Variants in AKT3 observed in about 807,000 individuals in gnomAD.
AKT3 encodes RAC-gamma serine/threonine-protein kinase.
Under a neutral mutation model 65.3 loss-of-function variants are expected in AKT3, and 15 were observed. That is an observed-to-expected ratio of 0.23 (90% CI 0.15 to 0.35). The LOEUF (loss-of-function observed/expected upper bound fraction) is 0.35, where lower values mean the gene tolerates loss of function less well. Among genes scored for constraint, AKT3 ranks in the 10% least tolerant of loss-of-function variants. The pLI, the probability that AKT3 is intolerant of heterozygous loss-of-function variation, is 1.00. For synonymous variants in AKT3, 206 were observed against 183.8 expected (o/e 1.12, Z -0.98); for missense variants, 243 against 576.5 (o/e 0.42, Z 5.92).
chr1:243,546,826 A>G (rs1157590580), intron 11 of AKT3: 1 of 152,230 alleles, frequency 6.6e-6, no homozygotes, highest in African/African-American at 2.4e-5. Context: ...AAAACTTGTT[A>G]ATTTCTGCTG....
At chr1:243,731,884 A>G (rs1013333202) in intron 2 of AKT3, among the ~76,000 whole-genome samples, 1 of 152,210 alleles carries the variant, frequency 6.6e-6, no homozygotes, top group African/African-American at 2.4e-5. Context: ...ATAAAATGGG[A>G]AAACACTCAG....
intron 4 of AKT3, among the ~76,000 whole-genome samples, chr1:243,648,610 C>A (rs1239249839): frequency 6.6e-6 from 1 of 152,004 alleles, no homozygotes; most frequent in African/African-American, 2.4e-5. Context: ...GAGAAGTACT[C>A]CCTTCTCATT....
At chr1:243,750,431 A>G (rs866185613) in intron 2 of AKT3, among the ~76,000 whole-genome samples, 79 of 147,562 alleles carry the variant, frequency 5.4e-4, no homozygotes, top group East Asian at 2.2e-3. Context: ...ACACACACAC[A>G]CACGCACGCA....
chr1:243,529,858 G>A (rs1671412314), intron 12 of AKT3, among the ~76,000 whole-genome samples: 1 of 151,804 alleles, frequency 6.6e-6, no homozygotes, highest in South Asian at 2.1e-4. Context: ...GTTTGAATAA[G>A]AATAGCACTG....
At chr1:243,616,046 G>A (rs928044586) in intron 6 of AKT3, among the ~76,000 whole-genome samples, 2 of 151,774 alleles carry the variant, frequency 1.3e-5, no homozygotes, top group Admixed American at 6.6e-5. Context: ...GGTTGGGGGC[G>A]TGGGTGTTAC....
intron 8 of AKT3, among the ~76,000 whole-genome samples, chr1:243,596,760 AT>A (rs1676644915): frequency 6.6e-6 from 1 of 152,212 alleles, no homozygotes; most frequent in African/African-American, 2.4e-5. Flanking sequence ...TATCAGCTTT[AT>A]TCATATTAGG....
chr1:243,712,442 A>G (rs1686223199), intron 2 of AKT3, among the ~76,000 whole-genome samples: 2 of 152,298 alleles, frequency 1.3e-5, no homozygotes, highest in East Asian at 3.9e-4. Context: ...CCTTTCAACC[A>G]TGCTTTGGGC....
intron 2 of AKT3, among the ~76,000 whole-genome samples, chr1:243,802,028 A>G (rs997018369): frequency 1.3e-5 from 2 of 152,230 alleles, no homozygotes; most frequent in Admixed American, 6.5e-5. Flanking sequence ...GGAAAATACT[A>G]CACTAAAAAG....
chr1:243,717,905 C>T (rs1321436201), intron 2 of AKT3, among the ~76,000 whole-genome samples: 1 of 152,092 alleles, frequency 6.6e-6, no homozygotes, highest in Non-Finnish European at 1.5e-5. Context: ...TGTAAGAAAT[C>T]CTGGAATCTC....
At chr1:243,834,739 A>T (rs1039079858) in intron 2 of AKT3, among the ~76,000 whole-genome samples, 3 of 148,240 alleles carry the variant, frequency 2.0e-5, no homozygotes, top group South Asian at 2.1e-4. Flanking sequence ...CTAAAAGTTT[A>T]AAAAAAAAAG....
chr1:243,553,016 T>A (rs1210592068), intron 10 of AKT3, 73 bp from the exon 11 acceptor site: 3 of 1,209,592 alleles, frequency 2.5e-6, no homozygotes, highest in African/African-American at 3.1e-5. Flanking sequence ...AAACATAAGA[T>A]TTTTACATAA....
intron 12 of AKT3, among the ~76,000 whole-genome samples, chr1:243,527,255 A>G (rs1024095780): frequency 6.6e-6 from 1 of 152,196 alleles, no homozygotes; most frequent in Non-Finnish European, 1.5e-5. Flanking sequence ...TTGCCATCCT[A>G]TTGAAATGAG....
At chr1:243,784,863 G>A (rs1425163933) in intron 2 of AKT3, among the ~76,000 whole-genome samples, 1 of 151,908 alleles carries the variant, frequency 6.6e-6, no homozygotes, top group African/African-American at 2.4e-5. Context: ...TGGGCTCAAG[G>A]GATCCTCCTA....
chr1:243,539,296 G>A (rs1336738947), intron 12 of AKT3, among the ~76,000 whole-genome samples: 1 of 151,996 alleles, frequency 6.6e-6, no homozygotes, highest in Non-Finnish European at 1.5e-5. Context: ...TCCACTTCAT[G>A]AATAGTAAAT....
intron 2 of AKT3, among the ~76,000 whole-genome samples, chr1:243,703,773 A>G (rs991072991): frequency 8.2e-5 from 12 of 146,344 alleles, no homozygotes; most frequent in South Asian, 2.4e-4. Flanking sequence ...AAAAAAAAAA[A>G]AAAAAGAAAA....
At chr1:243,545,192 T>A (rs1271003064) in intron 12 of AKT3, among the ~76,000 whole-genome samples, 11 of 152,302 alleles carry the variant, frequency 7.2e-5, no homozygotes, top group East Asian at 1.9e-4. Context: ...TTAAAAAATT[T>A]TAACTAGTTT....
intron 3 of AKT3, among the ~76,000 whole-genome samples, chr1:243,685,538 A>C (rs1407731267): frequency 6.6e-6 from 1 of 152,152 alleles, no homozygotes; most frequent in Non-Finnish European, 1.5e-5. Flanking sequence ...ATTGGTCTAC[A>C]TGTCTGTTTT....
intron 2 of AKT3, among the ~76,000 whole-genome samples, chr1:243,797,731 G>T (rs1318913967): frequency 6.6e-6 from 1 of 151,860 alleles, no homozygotes; most frequent in Non-Finnish European, 1.5e-5. Context: ...AGGAATGCCT[G>T]ATAACATGAC....
At chr1:243,579,661 T>C (rs531788946) in intron 8 of AKT3, among the ~76,000 whole-genome samples, 2 of 152,150 alleles carry the variant, frequency 1.3e-5, no homozygotes, top group African/African-American at 2.4e-5. Context: ...GTGCAACATA[T>C]TAAATAGTGC....
Sources: gnomAD v4.1 joint callset for allele counts (sites outside exome capture counted in the v4.1 genomes callset) on GRCh38, gnomAD v4.1.1 for gene constraint, MANE v1.5 for transcripts, NCBI Gene and HGNC (gene_info 2026-07-23, HGNC 2026-07-21) for gene names.